Variants in BACE2 observed in about 807,000 individuals in gnomAD.
The protein encoded by BACE2 is 56 kDa aspartic-like protease.
In BACE2, 17 loss-of-function variants were observed where a neutral mutation model predicts 46.2. The observed-to-expected ratio is 0.37, with a 90% CI of 0.25 to 0.55. BACE2 has a LOEUF of 0.55. Among genes scored for constraint, BACE2 ranks in the 20% least tolerant of loss-of-function variants. The probability of loss-of-function intolerance (pLI) is 0.82; values close to 1 mark genes in which losing one functional copy is unlikely to be tolerated. For missense variants in BACE2, 595 were observed against 698.1 expected, an observed-to-expected ratio of 0.85 and a Z score of 1.66; for synonymous variants, 277 against 295.9, an observed-to-expected ratio of 0.94 and a Z score of 0.66.
intron 1 of BACE2, chr21:41,181,388 G>C (rs1476190778): frequency 6.0e-6 from 1 of 167,080 alleles, no homozygotes; most frequent in Non-Finnish European, 1.5e-5. Flanking sequence ...AACAATCTTT[G>C]TTTTCTAGAA....
chr21:41,235,735 A>G (rs1190689784), intron 2 of BACE2, among the ~76,000 whole-genome samples: 26 of 152,198 alleles, frequency 1.7e-4, no homozygotes. Flanking sequence ...CCAGTTACTC[A>G]GTAGGCAGAG....
intron 8 of BACE2, among the ~76,000 whole-genome samples, chr21:41,259,159 T>C (rs558841110): frequency 6.6e-6 from 1 of 152,370 alleles, no homozygotes; most frequent in South Asian, 2.1e-4. Context: ...GGTGTAATAT[T>C]AGGCGTCTCT....
At chr21:41,214,423 C>G (rs1376125552) in intron 1 of BACE2, among the ~76,000 whole-genome samples, 1 of 152,156 alleles carries the variant, frequency 6.6e-6, no homozygotes, top group Non-Finnish European at 1.5e-5. Context: ...TTTGTAAAAT[C>G]TGATGATGCG....
chr21:41,238,625 A>G (rs2123596603), intron 3 of BACE2, among the ~76,000 whole-genome samples: 1 of 152,206 alleles, frequency 6.6e-6, no homozygotes, highest in East Asian at 1.9e-4. Flanking sequence ...ATGCAGCCAT[A>G]AAAAATGATG....
Position 41,168,469 on chromosome 21 carries a change from C to A in BACE2, c.206C>A (p.Ala69Glu). Residue 69 changes from alanine (A) to glutamate (E), a missense_variant, in exon 1 of 9, where the codon GCG becomes GAG. Transcript: ENST00000330333. ...GCGCTCGCCCTGGAGCCTGCCCTGG[C>A]GTCCCCCGCGGGCGCCGCCAACTTC... is the stretch of plus-strand genomic sequence containing the variant. ...GLALALEPAL[A>E]SPAGAANFLA... 1 of 1,374,334 alleles carries A rather than the reference C, an allele frequency of 7.3e-7. No individual in the cohort carries two copies. 85.1% of individuals were successfully genotyped at this position (1,374,334 alleles called of 1,614,324 possible).
chr21:41,191,681 A>G (rs1389244347), intron 1 of BACE2, among the ~76,000 whole-genome samples: 1 of 152,164 alleles, frequency 6.6e-6, no homozygotes, highest in African/African-American at 2.4e-5. Context: ...GTGGAAGTCC[A>G]TGTTGCTGAG....
In BACE2 at chr21:41,243,448, T is replaced by C; in HGVS notation, c.820T>C (p.Tyr274His). ...WYTPIKEEWY[Y>H]QIEILKLEIG... ...TACCCCTATTAAGGAAGAGTGGTAC[T>C]ACCAGATAGAAATTCTGAAATTGGA... is the stretch of plus-strand genomic sequence containing the variant. The change falls in exon 5 of 9, where the codon TAC (tyrosine) becomes CAC (histidine). Residue 274 changes from tyrosine to histidine, a missense_variant. This residue lies in a region of BACE2 where 343 missense variants were observed against 419.4 expected (regional missense o/e 0.82). Transcript: ENST00000330333. 1 of 1,613,294 alleles carries C rather than the reference T, an allele frequency of 6.2e-7. No individual in the cohort carries two copies.
intron 2 of BACE2, among the ~76,000 whole-genome samples, chr21:41,232,587 G>T (rs1986996601): frequency 6.6e-6 from 1 of 152,124 alleles, no homozygotes; most frequent in African/African-American, 2.4e-5. Flanking sequence ...TGATGAGTGA[G>T]TTCTTGCTCC....
Position 41,241,817 on chromosome 21 carries a change from A to G in BACE2, c.619-2A>G, listed in dbSNP as rs754405935. The stretch of plus-strand genomic sequence containing the variant: ...GTGCCCCTCTCTGTCGCCCTCCCGC[A>G]GCCATCAAGTTCTCTGGAGACCTTC... On this transcript the variant is annotated splice_acceptor_variant, in intron 3 of 8. Transcript: ENST00000330333. LOFTEE classifies it high-confidence loss of function. The G allele has an allele frequency of 6.2e-7, 1 of 1,614,132 alleles. No individual in the cohort carries two copies. The highest frequency in any genetic ancestry group is 8.5e-7 in the Non-Finnish European group (1 of 1,180,014).
chr21:41,184,975 C>A (rs1985318600), intron 1 of BACE2: 1 of 167,008 alleles, frequency 6.0e-6, no homozygotes, highest in Non-Finnish European at 1.5e-5. Context: ...TTGTATTTAA[C>A]CCAAATGGTG....
At chr21:41,238,945 A>T (rs978485783) in intron 3 of BACE2, among the ~76,000 whole-genome samples, 1 of 132,084 alleles carries the variant, frequency 7.6e-6, no homozygotes, top group African/African-American at 2.9e-5. Context: ...CTAAAACTTA[A>T]AGTATAATTA....
At chr21:41,215,194 C>T (rs145269172) in intron 1 of BACE2, among the ~76,000 whole-genome samples, 27 of 152,276 alleles carry the variant, frequency 1.8e-4, no homozygotes, top group African/African-American at 6.3e-4. Flanking sequence ...AGGTGGCCCA[C>T]TGCTGGATGC....
intron 3 of BACE2, among the ~76,000 whole-genome samples, chr21:41,238,954 T>TAAAAAAAA (rs34474586): frequency 1.2e-5 from 1 of 85,658 alleles, no homozygotes; most frequent in Non-Finnish European, 2.2e-5. Flanking sequence ...AAAGTATAAT[T>TAAAAAAAA]AAAAAAAAAA....
At chr21:41,259,766 C>G (rs1987883220) in intron 8 of BACE2, among the ~76,000 whole-genome samples, 1 of 151,900 alleles carries the variant, frequency 6.6e-6, no homozygotes, top group Non-Finnish European at 1.5e-5. Flanking sequence ...CCCCAAATGT[C>G]ACAACTCTCT....
At chr21:41,264,245 A>G (rs1302417719) in intron 8 of BACE2, among the ~76,000 whole-genome samples, 2 of 147,908 alleles carry the variant, frequency 1.4e-5, no homozygotes, top group Non-Finnish European at 1.5e-5. Flanking sequence ...TTTCATTTCG[A>G]TGACTATATT....
At chr21:41,181,517 C>T (rs913665140) in intron 1 of BACE2, 2 of 167,074 alleles carry the variant, frequency 1.2e-5, no homozygotes, top group African/African-American at 4.8e-5. Context: ...TTTACCTCCC[C>T]GTGGTCTTGG....
At chr21:41,189,325 C>T (rs1031282436) in intron 1 of BACE2, among the ~76,000 whole-genome samples, 1 of 152,142 alleles carries the variant, frequency 6.6e-6, no homozygotes, top group Non-Finnish European at 1.5e-5. Context: ...GAAGTTGCAC[C>T]TTCTAGTCTG....
chr21:41,239,007 G>A (rs1987213523), intron 3 of BACE2, among the ~76,000 whole-genome samples: 1 of 150,450 alleles, frequency 6.6e-6, no homozygotes. Context: ...CAGCTCTCCT[G>A]GCCCTGTACC....
intron 8 of BACE2, among the ~76,000 whole-genome samples, chr21:41,260,972 T>C (rs1190334289): frequency 6.6e-6 from 1 of 152,226 alleles, no homozygotes; most frequent in Non-Finnish European, 1.5e-5. Flanking sequence ...TGACATTACA[T>C]TTTATAGATT....
Sources: allele counts gnomAD v4.1 joint callset (sites outside exome capture counted in the v4.1 genomes callset), GRCh38; gene constraint gnomAD v4.1.1; regional missense constraint gnomAD v4.1.1; transcripts MANE v1.5; gene names NCBI Gene and HGNC (gene_info 2026-07-23, HGNC 2026-07-21).